ZNF277: variants seen among roughly 807,000 people sequenced by gnomAD.
ZNF277 encodes the protein nuclear receptor-interacting factor 4.
Under a neutral mutation model 60.7 loss-of-function variants are expected in ZNF277, and 55 were observed. The ratio of observed to expected loss-of-function variants is 0.91; its 90% CI spans 0.73 to 1.13. The LOEUF is 1.13. Ranked by LOEUF, ZNF277 falls within the 50% of genes most tolerant of loss-of-function variation. The pLI is 0.00. For missense variants in ZNF277, 510 were observed against 523.0 expected (o/e 0.98, Z 0.24); for synonymous variants, 178 against 179.3 (o/e 0.99, Z 0.06).
chr7:112,265,345 G>T (rs1288833385), intron 1 of ZNF277, among the ~76,000 whole-genome samples: 1 of 152,132 alleles, frequency 6.6e-6, no homozygotes, highest in Non-Finnish European at 1.5e-5. Context: ...ATTGGGAGGA[G>T]AAAGGGGAGA....
intron 7 of ZNF277, among the ~76,000 whole-genome samples, chr7:112,332,835 TAA>T (rs1793254222): frequency 6.6e-6 from 1 of 152,310 alleles, no homozygotes; most frequent in Admixed American, 6.5e-5. Flanking sequence ...TTGGCTTCAC[TAA>T]AGATATACAC....
chr7:112,276,361 C>G (rs1306979477), intron 1 of ZNF277, among the ~76,000 whole-genome samples: 4 of 152,156 alleles, frequency 2.6e-5, no homozygotes, highest in African/African-American at 9.7e-5. Context: ...ATTGCTTATG[C>G]TTGCTTATAA....
intron 4 of ZNF277, among the ~76,000 whole-genome samples, chr7:112,296,761 C>A (rs532233535): frequency 6.6e-6 from 1 of 151,368 alleles, no homozygotes; most frequent in Non-Finnish European, 1.5e-5. Context: ...TACATAGTAG[C>A]CTTTCTGGTT....
At position 112,273,686 on chromosome 7, in the gene ZNF277, AC is replaced by A. The variant is rs1412439003; in HGVS notation, c.92-13184del. The stretch of plus-strand genomic sequence containing the variant: ...GTTAGGTGTGTCTGTGAACATAACC[AC>A]CCTCTCTGGTGGAAAAGATGTAGAT... On this transcript the variant is annotated intron_variant, in intron 1 of 11. Transcript: ENST00000361822. Among the ~76,000 whole-genome samples, 5 of 151,830 alleles carry A rather than the reference AC, an allele frequency of 3.3e-5. No individual in the cohort carries two copies. The South Asian group carries it at 1.0e-3, about 32-fold the overall frequency.
At chr7:112,231,402 C>A (rs960325562) in intron 1 of ZNF277, among the ~76,000 whole-genome samples, 1 of 152,088 alleles carries the variant, frequency 6.6e-6, no homozygotes, top group Admixed American at 6.5e-5. Flanking sequence ...TACTGCAAAT[C>A]CTTTGTTCTG....
chr7:112,318,172 T>C lies in ZNF277; in HGVS notation c.466-10T>C, dbSNP rs1398230911. On this transcript the variant is annotated splice_polypyrimidine_tract_variant and intron_variant, in intron 4 of 11. Coordinates refer to ENST00000361822, the MANE Select transcript of ZNF277 (RefSeq NM_021994.3). ...TAAGATAATACCATAAATCTGTTTCTACTTTCCAGAGAGAAATTCTGGAAC... is the reference window on the plus strand; with the variant it reads ...TAAGATAATACCATAAATCTGTTTCCACTTTCCAGAGAGAAATTCTGGAAC... 1 of 1,607,234 alleles carries C rather than the reference T, an allele frequency of 6.2e-7. No homozygotes were observed. Among genetic ancestry groups the C allele is most frequent in the Non-Finnish European group, 8.5e-7 (1 of 1,174,020 alleles).
chr7:112,265,145 C>G (rs1166992809), intron 1 of ZNF277, among the ~76,000 whole-genome samples: 2 of 152,126 alleles, frequency 1.3e-5, no homozygotes, highest in East Asian at 3.9e-4. Context: ...CTTTGCATTC[C>G]CAACTTGGCT....
intron 1 of ZNF277, among the ~76,000 whole-genome samples, chr7:112,261,158 T>C (rs746476915): frequency 6.6e-6 from 1 of 152,182 alleles, no homozygotes; most frequent in Non-Finnish European, 1.5e-5. Context: ...ATCTCTATCA[T>C]TCTCTGCGTT....
chr7:112,262,389 G>T (rs1791458789), intron 1 of ZNF277, among the ~76,000 whole-genome samples: 1 of 152,032 alleles, frequency 6.6e-6, no homozygotes, highest in Admixed American at 6.6e-5. Context: ...AGAGAGCACT[G>T]TATGGGATAT....
intron 1 of ZNF277, among the ~76,000 whole-genome samples, chr7:112,270,125 G>A (rs779172701): frequency 1.9e-4 from 29 of 152,182 alleles, no homozygotes; most frequent in East Asian, 9.7e-4. Context: ...TAAAAAAAGC[G>A]TAATATGGTT....
chr7:112,296,124 A>G, intron 3 of ZNF277, 105 bp from the exon 4 acceptor site: 2 of 985,120 alleles, frequency 2.0e-6, no homozygotes, highest in Admixed American at 2.1e-5. Flanking sequence ...TATGCCAAAG[A>G]GATCCTAATA....
intron 1 of ZNF277, among the ~76,000 whole-genome samples, chr7:112,220,614 C>T (rs1822001821): frequency 6.6e-6 from 1 of 152,166 alleles, no homozygotes; most frequent in Non-Finnish European, 1.5e-5. Flanking sequence ...AAACTTTTAA[C>T]TTTTCACTGC....
chr7:112,228,248 G>T (rs1392275915), intron 1 of ZNF277, among the ~76,000 whole-genome samples: 1 of 151,918 alleles, frequency 6.6e-6, no homozygotes, highest in Admixed American at 6.6e-5. Context: ...ATGCTCTCAA[G>T]ATCCTTACTT....
intron 1 of ZNF277, among the ~76,000 whole-genome samples, chr7:112,250,964 T>C (rs1351863306): frequency 6.6e-6 from 1 of 152,212 alleles, no homozygotes; most frequent in African/African-American, 2.4e-5. Context: ...GCCTCCTGTT[T>C]TCTTTTTCAA....
intron 4 of ZNF277, among the ~76,000 whole-genome samples, chr7:112,299,797 A>G (rs1792433686): frequency 6.6e-6 from 1 of 152,188 alleles, no homozygotes. Flanking sequence ...TGAGGATCTC[A>G]ACTCAAGTCC....
intron 1 of ZNF277, among the ~76,000 whole-genome samples, chr7:112,237,053 A>G (rs60669231): frequency 0.011 from 1,651 of 152,284 alleles, 25 homozygotes; most frequent in African/African-American, 0.038. Context: ...ACAGTGGAAT[A>G]AAACCAGAAA....
chr7:112,270,980 A>G (rs1791656776), intron 1 of ZNF277, among the ~76,000 whole-genome samples: 1 of 152,124 alleles, frequency 6.6e-6, no homozygotes, highest in Non-Finnish European at 1.5e-5. Context: ...AAATCAGCAT[A>G]TTTTCAAAGC....
chr7:112,222,428 A>G lies in ZNF277; in HGVS notation c.91+15621A>G, dbSNP rs547125328. On this transcript the variant is annotated intron_variant, in intron 1 of 11. Transcript: ENST00000361822. Reference sequence around the variant, plus strand: ...TTGAGTCTTGCTAGGTTCTATGTGTATAGAATTTATCCATTTCTTCTAGGT... The same window carrying G: ...TTGAGTCTTGCTAGGTTCTATGTGTGTAGAATTTATCCATTTCTTCTAGGT... 3.0e-4 allele frequency among the ~76,000 whole-genome samples: 46 copies of G among 152,282 alleles called. No individual in the cohort carries two copies. The Middle Eastern group carries it at 0.014, about 45-fold the overall frequency.
chr7:112,211,468 G>A (rs987973936), intron 1 of ZNF277, among the ~76,000 whole-genome samples: 2 of 152,176 alleles, frequency 1.3e-5, no homozygotes, highest in African/African-American at 2.4e-5. Flanking sequence ...TTGAGAACCA[G>A]TTGTATGTGT....
Sources: gnomAD v4.1 joint callset for allele counts (sites outside exome capture counted in the v4.1 genomes callset) on GRCh38, gnomAD v4.1.1 for gene constraint, MANE v1.5 for transcripts, NCBI Gene and HGNC (gene_info 2026-07-23, HGNC 2026-07-21) for gene names.